The following ABCB4 variants were observed in gnomAD, a reference collection of about 807,000 sequenced individuals.
ABCB4 encodes the protein phosphatidylcholine translocator ABCB4.
ABCB4 carries 76 observed loss-of-function variants against 145.7 expected under a neutral mutation model. The ratio of observed to expected loss-of-function variants is 0.52; its 90% confidence interval spans 0.43 to 0.63. The LOEUF is 0.63. ABCB4 is among the 30% of genes least tolerant of loss of function. The pLI is 0.00. For synonymous variants in ABCB4, 517 were observed against 566.8 expected (o/e 0.91, Z 1.25); for missense variants, 1,234 against 1,553.1 (o/e 0.79, Z 3.45).
chr7:87,386,767 T>C, the ABCB4 span, among the ~76,000 whole-genome samples: 4 of 152,122 alleles, frequency 2.6e-5, no homozygotes, highest in African/African-American at 9.7e-5. Flanking sequence ...ACAACCTCTT[T>C]GATTTGGTGT....
intron 6 of ABCB4, 22 bp downstream of exon 6, chr7:87,452,922 G>A: frequency 6.2e-7 from 1 of 1,607,812 alleles, no homozygotes; most frequent in Non-Finnish European, 8.5e-7. Flanking sequence ...ATATGAAAGT[G>A]TGACATTAAC....
Position 87,440,245 on chromosome 7 carries a change from G to C in ABCB4, c.1514C>G (p.Ala505Gly). 1 of 1,614,110 alleles carries C rather than the reference G, an allele frequency of 6.2e-7. No homozygotes were observed. Among genetic ancestry groups the C allele is most frequent in the Non-Finnish European group, 8.5e-7 (1 of 1,180,002 alleles). Residue 505 changes from alanine (A) to glycine (G), a missense_variant, in exon 13 of 28, where the codon GCT becomes GGT. Ala to Gly is a moderately conservative substitution (Grantham distance 60). Transcript: ENST00000649586. ...GNVTMDEIKK[A>G]VKEANAYEFI... ...CTCATAGGCGTTGGCCTCTTTGACA[G>C]CTTTCTTTATCTCATCCATGGTTAC...
the ABCB4 span, among the ~76,000 whole-genome samples, chr7:87,389,819 T>G: frequency 1.4e-5 from 1 of 71,466 alleles, no homozygotes; most frequent in African/African-American, 3.1e-5. Context: ...TTAAATCCAG[T>G]TTTTGTTGTT....
intron 3 of ABCB4, among the ~76,000 whole-genome samples, chr7:87,468,108 C>G (rs981898351): frequency 6.6e-5 from 10 of 152,164 alleles, no homozygotes; most frequent in Non-Finnish European, 1.5e-4. Flanking sequence ...AATCCAGGAG[C>G]TGGTTTTTTG....
chr7:87,437,464 G>A (rs573925655), intron 14 of ABCB4, among the ~76,000 whole-genome samples: 4 of 152,214 alleles, frequency 2.6e-5, no homozygotes, highest in South Asian at 2.1e-4. Flanking sequence ...TGTTTTAAGC[G>A]TGGACTCAAG....
the ABCB4 span, among the ~76,000 whole-genome samples, chr7:87,384,252 A>ATGG: frequency 6.6e-6 from 1 of 151,864 alleles, no homozygotes; most frequent in Non-Finnish European, 1.5e-5. Flanking sequence ...ATCATTTGTC[A>ATGG]CTGGGCGCAT....
At chr7:87,424,689 G>T (rs1044173830) in intron 16 of ABCB4, among the ~76,000 whole-genome samples, 1 of 152,014 alleles carries the variant, frequency 6.6e-6, no homozygotes, top group South Asian at 2.1e-4. Flanking sequence ...TCATAGCTTA[G>T]CTTGTCTGTG....
intron 14 of ABCB4, among the ~76,000 whole-genome samples, chr7:87,436,837 G>A (rs1229106717): frequency 2.6e-5 from 4 of 152,044 alleles, no homozygotes; most frequent in African/African-American, 9.7e-5. Flanking sequence ...TGATTATCCT[G>A]TCCCTGCACC....
the ABCB4 span, among the ~76,000 whole-genome samples, chr7:87,392,412 C>T: frequency 6.6e-6 from 1 of 152,130 alleles, no homozygotes; most frequent in Non-Finnish European, 1.5e-5. Flanking sequence ...GATAGAATAA[C>T]TGATGGAAAG....
At position 87,426,959 on chromosome 7, in the gene ABCB4, G is replaced by GTGTA. The variant is rs984458604; in HGVS notation, c.1894-40_1894-39insTACA. ...AAGACATTAAAGTGTGTGTGTGTGTGTGTGTGTGTGTGTGTGTGTGTCTCC... is the reference window on the plus strand; with the variant it reads ...AAGACATTAAAGTGTGTGTGTGTGTGTGTATGTGTGTGTGTGTGTGTGTGTCTCC... On this transcript the variant is annotated intron_variant, in intron 15 of 27. Transcript: ENST00000649586. The GTGTA allele has an allele frequency of 2.0e-6, 3 of 1,510,548 alleles. No homozygotes were observed. The African/African-American group carries it at 4.1e-5, about 21-fold the overall frequency. The allele number at this position is 1,510,548 out of a possible 1,614,324, so 93.6% of individuals were successfully genotyped here. A position where few individuals can be genotyped will look rare whatever the true frequency, so the allele number is the denominator to read the frequency against.
chr7:87,433,671 TG>T (rs763311176), intron 14 of ABCB4, among the ~76,000 whole-genome samples: 6,809 of 136,938 alleles, frequency 0.05, 717 homozygotes, highest in African/African-American at 0.19. Flanking sequence ...AAAAAATTGT[TG>T]TTGTTTTTTT....
At chr7:87,417,188 AATT>A (rs1809035968) in intron 21 of ABCB4, 121 bp downstream of exon 21, 1 of 870,744 alleles carries the variant, frequency 1.1e-6, no homozygotes, top group Non-Finnish European at 1.8e-6. Flanking sequence ...CACAATTGAC[AATT>A]ATTAGTTGTA....
rs1029982498 is a variant in ABCB4 at position 87,450,494 on chromosome 7, G to A, written c.709-402C>T. 6.1e-5 allele frequency among the ~76,000 whole-genome samples: 8 copies of A among 131,778 alleles called. No homozygotes were observed. The East Asian group carries it at 6.6e-4, about 11-fold the overall frequency. 86.5% of individuals were successfully genotyped at this position (131,778 alleles called of 152,430 possible). On this transcript the variant is annotated intron_variant, in intron 7 of 27. Transcript: ENST00000649586. ...TTTTTTTTTTTTTTTTTTTTGAGACGGGGTCTCACTCTGTTGCCCAGACTG... is the reference window on the plus strand; with the variant it reads ...TTTTTTTTTTTTTTTTTTTTGAGACAGGGTCTCACTCTGTTGCCCAGACTG...
At chr7:87,403,359 T>A (rs1025664478) in intron 26 of ABCB4, 78 bp from the exon 27 acceptor site, 1 of 1,349,626 alleles carries the variant, frequency 7.4e-7, no homozygotes, top group Admixed American at 1.7e-5. Context: ...AAGAAAAACA[T>A]TTAGAGTCAA....
chr7:87,418,667 CAAAG>C (rs779284267), intron 19 of ABCB4, 47 bp from the exon 20 acceptor site: 10 of 1,576,430 alleles, frequency 6.3e-6, no homozygotes, highest in Non-Finnish European at 8.7e-6. Flanking sequence ...TTAAAACAAG[CAAAG>C]AAAACCAGAC....
the ABCB4 span, among the ~76,000 whole-genome samples, chr7:87,378,947 A>G: frequency 3.3e-5 from 5 of 152,220 alleles, no homozygotes; most frequent in Non-Finnish European, 7.3e-5. Flanking sequence ...AAAAGTTGCC[A>G]CAAGTCATTT....
chr7:87,401,640 T>C (rs1312591964), downstream of ABCB4: 3 of 221,440 alleles, frequency 1.4e-5, no homozygotes, highest in Non-Finnish European at 2.7e-5. Context: ...GGAAATTCAT[T>C]CATTTAAAAA....
chr7:87,410,134 A>G (rs1206899007), intron 23 of ABCB4, among the ~76,000 whole-genome samples: 3 of 152,084 alleles, frequency 2.0e-5, no homozygotes, highest in Non-Finnish European at 2.9e-5. Context: ...CTAAAGTTCT[A>G]TTTTCTAATT....
intron 16 of ABCB4, among the ~76,000 whole-genome samples, chr7:87,426,264 T>C (rs932198701): frequency 6.6e-6 from 1 of 152,158 alleles, no homozygotes; most frequent in Non-Finnish European, 1.5e-5. Context: ...GAAGGGAGCT[T>C]GTGTCTATGG....
Sources: allele counts gnomAD v4.1 joint callset (sites outside exome capture counted in the v4.1 genomes callset), GRCh38; gene constraint gnomAD v4.1.1; transcripts MANE v1.5; gene names NCBI Gene and HGNC (gene_info 2026-07-23, HGNC 2026-07-21).